Variants in CACNA1C observed in about 807,000 individuals in gnomAD.
CACNA1C encodes calcium voltage-gated channel subunit alpha1 C.
In CACNA1C, 30 loss-of-function variants were observed where a neutral mutation model predicts 229.0. The observed-to-expected ratio is 0.13, with a 90% CI of 0.10 to 0.18. The LOEUF is 0.18. Ranked by LOEUF, CACNA1C falls within the 10% of genes least tolerant of loss-of-function variation. CACNA1C has a pLI of 1.00. For missense variants in CACNA1C, 1,658 were observed against 2,845.0 expected (o/e 0.58, Z 9.49); for synonymous variants, 1,114 against 1,132.5 (o/e 0.98, Z 0.33).
intron 1 of CACNA1C, among the ~76,000 whole-genome samples, chr12:1,993,618 T>G (rs1005967713): frequency 9.0e-6 from 1 of 111,578 alleles, no homozygotes; most frequent in Admixed American, 8.7e-5. Flanking sequence ...TGAGTCATAC[T>G]TCATTTGTGG....
At chr12:2,024,659 G>A (rs1724005864) in intron 1 of CACNA1C, among the ~76,000 whole-genome samples, 2 of 152,368 alleles carry the variant, frequency 1.3e-5, no homozygotes, top group South Asian at 2.1e-4. Flanking sequence ...GGGCAGCCAT[G>A]TGGGAGAGTG....
Position 2,597,514 on chromosome 12 carries a change from A to G in CACNA1C, c.2853+225A>G. 4 of 1,487,760 alleles carry G rather than the reference A, an allele frequency of 2.7e-6. No homozygotes were observed. The highest frequency in any genetic ancestry group is 1.1e-5 in the South Asian group (1 of 88,528). 92.2% of individuals were successfully genotyped at this position (1,487,760 alleles called of 1,614,324 possible). Reference sequence around the variant, plus strand: ...TCCTTAAGGTAATGCAACCTGGGCAATGCATCCTCTGTCGCTTTCTTTGTC... The same window carrying G: ...TCCTTAAGGTAATGCAACCTGGGCAGTGCATCCTCTGTCGCTTTCTTTGTC... On this transcript the variant is annotated intron_variant, in intron 21 of 46. Coordinates refer to ENST00000399655, the MANE Select transcript of CACNA1C (RefSeq NM_000719.7). This position sits in a 1 kb window ranked among gnomAD's most constrained non-coding sequence, Gnocchi z 4.3.
chr12:2,679,249 C>G lies in CACNA1C; in HGVS notation c.5092-195C>G, dbSNP rs112650815. Among the ~76,000 whole-genome samples, 4 of 152,224 alleles carry G rather than the reference C, an allele frequency of 2.6e-5. No individual in the cohort carries two copies. Among genetic ancestry groups the G allele is most frequent in the African/African-American group, 9.6e-5 (4 of 41,474 alleles). On this transcript the variant is annotated intron_variant, in intron 41 of 46. Transcript: ENST00000399655. This position sits in a 1 kb window ranked among gnomAD's most constrained non-coding sequence, Gnocchi z 5.5. ...AGTCCAGAGCCTTGAGACTCCGGGT[C>G]CCTCCCTCTCTGGAGCAGCCAGGCA...
chr12:2,037,964 C>T (rs922923167), intron 1 of CACNA1C, among the ~76,000 whole-genome samples: 16 of 152,108 alleles, frequency 1.1e-4, no homozygotes, highest in Admixed American at 8.5e-4. Context: ...TTCTAGGCAA[C>T]GTTGTAAAGC....
intron 3 of CACNA1C, among the ~76,000 whole-genome samples, chr12:2,313,066 C>T (rs2095516871): frequency 6.6e-6 from 1 of 152,108 alleles, no homozygotes; most frequent in African/African-American, 2.4e-5. Context: ...CAGAATTGGC[C>T]TGGGAGTACA....
rs530948660 is a variant in CACNA1C, at chr12:2,439,209, C to T, written c.478-9767C>T. ...GTGGAGAAGGGGCTTCTGCCCTGGG[C>T]AGGTGGCTGGCCTGGGTGGCATTTG... On this transcript the variant is annotated intron_variant, in intron 3 of 46. Coordinates refer to ENST00000399655, the MANE Select transcript of CACNA1C (RefSeq NM_000719.7). 3.3e-5 allele frequency among the ~76,000 whole-genome samples: 5 copies of T among 152,326 alleles called. No individual in the cohort carries two copies. In the East Asian group the frequency reaches 9.7e-4, roughly 29 times the overall value.
chr12:2,102,266 G>A (rs984982091), intron 1 of CACNA1C, among the ~76,000 whole-genome samples: 1 of 152,242 alleles, frequency 6.6e-6, no homozygotes, highest in Non-Finnish European at 1.5e-5. Flanking sequence ...CTTCCATGCA[G>A]CCAATGTGTT....
intron 5 of CACNA1C, among the ~76,000 whole-genome samples, chr12:2,464,725 A>T (rs1485307156): frequency 6.6e-6 from 1 of 152,262 alleles, no homozygotes; most frequent in Admixed American, 6.5e-5. Flanking sequence ...CACACAGAAT[A>T]GAAAACAGCT....
intron 3 of CACNA1C, among the ~76,000 whole-genome samples, chr12:2,158,403 A>G (rs924978696): frequency 6.6e-6 from 1 of 152,046 alleles, no homozygotes; most frequent in Admixed American, 6.5e-5. Context: ...TGGCGAAACC[A>G]TGTCTTTACC....
intron 3 of CACNA1C, among the ~76,000 whole-genome samples, chr12:2,443,235 C>G (rs2099245889): frequency 1.3e-5 from 2 of 152,200 alleles, no homozygotes; most frequent in Admixed American, 6.5e-5. Context: ...ATTGGGTAAA[C>G]TTTCCTGTTC....
intron 3 of CACNA1C, among the ~76,000 whole-genome samples, chr12:2,434,582 G>C (rs562105388): frequency 6.6e-6 from 1 of 152,200 alleles, no homozygotes; most frequent in East Asian, 1.9e-4. Context: ...CTGCATGCAC[G>C]AAGGGGAGTG....
chr12:2,252,505 T>C (rs886549992), intron 3 of CACNA1C, among the ~76,000 whole-genome samples: 13 of 152,304 alleles, frequency 8.5e-5, no homozygotes, highest in African/African-American at 2.9e-4. Flanking sequence ...CAGCTGAGGC[T>C]AAGAAGCCCC....
At chr12:1,997,070 CT>C (rs777808395) in intron 1 of CACNA1C, among the ~76,000 whole-genome samples, 13 of 152,124 alleles carry the variant, frequency 8.5e-5, no homozygotes, top group Middle Eastern at 3.4e-3. Flanking sequence ...ATGTATGTCT[CT>C]ATATGCACTC....
At chr12:2,416,244 C>T (rs900451597) in intron 3 of CACNA1C, among the ~76,000 whole-genome samples, 1 of 152,190 alleles carries the variant, frequency 6.6e-6, no homozygotes, top group Admixed American at 6.5e-5. Context: ...TCCTTTATGG[C>T]TCGCTTTCTC....
At chr12:2,517,369 A>T (rs2099799249) in intron 9 of CACNA1C, among the ~76,000 whole-genome samples, 1 of 152,208 alleles carries the variant, frequency 6.6e-6, no homozygotes, top group African/African-American at 2.4e-5. Context: ...TGGCCTCAAG[A>T]CAGTCAGTGT....
rs542898718 is a variant in CACNA1C at position 2,597,727 on chromosome 12, C to G, written c.2853+438C>G. Among the ~76,000 whole-genome samples the G allele has an allele frequency of 1.3e-5, 2 of 152,210 alleles. No individual in the cohort carries two copies. The highest frequency in any genetic ancestry group is 4.8e-5 in the African/African-American group (2 of 41,436). ...CTCCCTCCAGCCACCCCTAAGCAGT[C>G]CGTGGCCTGGAAGGGACACGTGTTG... On this transcript the variant is annotated intron_variant, in intron 21 of 46. Coordinates refer to ENST00000399655, the MANE Select transcript of CACNA1C (RefSeq NM_000719.7). The surrounding 1 kb of genome is among the most constrained non-coding windows in gnomAD (Gnocchi z 4.3).
rs917661411 is a variant in CACNA1C at position 1,971,095 on chromosome 12, T to C, written c.33T>C (p.Pro11=). 2.3e-6 allele frequency: 3 copies of C among 1,288,910 alleles called. No homozygotes were observed. The highest frequency in any genetic ancestry group is 4.6e-5 in the Admixed American group (2 of 43,568). 79.8% of individuals were successfully genotyped at this position (1,288,910 alleles called of 1,614,324 possible). ...GAGCCTTTGTTCAGCCTGGTACGCC[T>C]GCATACCAGCCGCTTCCCAGCCACC... The change falls in exon 1 of 47, where the codon CCT becomes CCC. Residue 11 remains proline, a synonymous_variant. Coordinates refer to the CACNA1C transcript ENST00000682462. This position sits in a 1 kb window ranked among gnomAD's most constrained non-coding sequence, Gnocchi z 4.2.
chr12:2,663,042 G>C (rs115290907), intron 34 of CACNA1C, among the ~76,000 whole-genome samples: 2,006 of 152,254 alleles, frequency 0.013, 49 homozygotes, highest in African/African-American at 0.045. Flanking sequence ...GAAGAACACA[G>C]AAAAGAATGT....
chr12:2,635,334 CTT>C (rs2092373469), intron 30 of CACNA1C, among the ~76,000 whole-genome samples: 1 of 152,206 alleles, frequency 6.6e-6, no homozygotes. Flanking sequence ...TTAAATCTCT[CTT>C]TATCTATAGG....
Sources: allele counts gnomAD v4.1 joint callset (sites outside exome capture counted in the v4.1 genomes callset), GRCh38; gene constraint gnomAD v4.1.1; non-coding constraint Gnocchi (gnomAD v3.1); transcripts MANE v1.5; gene names NCBI Gene and HGNC (gene_info 2026-07-23, HGNC 2026-07-21).